Variants in RSPO2 observed in about 807,000 individuals in gnomAD.
RSPO2 encodes the protein R-spondin 2.
Under a neutral mutation model 30.9 loss-of-function variants are expected in RSPO2, and 14 were observed. The ratio of observed to expected loss-of-function variants is 0.45; its 90% CI spans 0.30 to 0.71. RSPO2 has a LOEUF of 0.71. RSPO2 is among the 30% of genes least tolerant of loss of function. The probability of loss-of-function intolerance (pLI) is 0.08; values close to 1 mark genes in which losing one functional copy is unlikely to be tolerated. For missense variants in RSPO2, 264 were observed against 301.9 expected (o/e 0.87, Z 0.93); for synonymous variants, 107 against 96.4 (o/e 1.11, Z -0.64).
intron 5 of RSPO2, among the ~76,000 whole-genome samples, chr8:107,932,568 G>C (rs1006778465): frequency 1.3e-5 from 2 of 152,130 alleles, no homozygotes; most frequent in African/African-American, 4.8e-5. Context: ...GGTCATAACA[G>C]GTAAATAAGA....
chr8:107,950,206 G>A (rs1244382806), intron 5 of RSPO2, among the ~76,000 whole-genome samples: 2 of 152,108 alleles, frequency 1.3e-5, no homozygotes, highest in Non-Finnish European at 2.9e-5. Context: ...GTGTGTACAT[G>A]TACCATACAT....
chr8:108,083,267 C>G lies in RSPO2; in HGVS notation c.-240G>C, dbSNP rs1813273320. The G allele has an allele frequency of 6.6e-6, 1 of 152,366 alleles. No individual in the cohort carries two copies. Among genetic ancestry groups the G allele is most frequent in the Non-Finnish European group, 1.5e-5 (1 of 68,052 alleles). 9.4% of individuals were successfully genotyped at this position (152,366 alleles called of 1,614,324 possible). ...CATCCCGGGCTCGGGAAGCGAGCCG[C>G]TTGGTTAGCACGTGGGCTGGGGAAA... On this transcript the variant is annotated 5_prime_UTR_variant, in exon 1 of 6. Coordinates refer to ENST00000276659, the MANE Select transcript of RSPO2 (RefSeq NM_178565.5).
intron 3 of RSPO2, among the ~76,000 whole-genome samples, chr8:107,970,515 G>A (rs1217876829): frequency 6.6e-6 from 1 of 152,146 alleles, no homozygotes; most frequent in Non-Finnish European, 1.5e-5. Flanking sequence ...TTGAAGCTTG[G>A]GGAGGCATAG....
chr8:108,056,001 C>T (rs1363058770), intron 2 of RSPO2, among the ~76,000 whole-genome samples: 1 of 152,174 alleles, frequency 6.6e-6, no homozygotes, highest in Admixed American at 6.5e-5. Context: ...ACCATTCACC[C>T]TCTGGTCCCT....
chr8:107,928,348 A>G (rs1216361813), intron 5 of RSPO2, among the ~76,000 whole-genome samples: 3 of 152,250 alleles, frequency 2.0e-5, no homozygotes, highest in African/African-American at 7.2e-5. Context: ...AGCTTTTTAT[A>G]TAAACACATA....
At chr8:108,018,885 G>A (rs1810974096) in intron 2 of RSPO2, among the ~76,000 whole-genome samples, 1 of 152,134 alleles carries the variant, frequency 6.6e-6, no homozygotes, top group South Asian at 2.1e-4. Flanking sequence ...CAACGTTCAT[G>A]CCAGCCTAAG....
chr8:107,947,608 T>C (rs987263736), intron 5 of RSPO2, among the ~76,000 whole-genome samples: 4 of 152,184 alleles, frequency 2.6e-5, no homozygotes, highest in African/African-American at 9.6e-5. Flanking sequence ...TCTCTGCTAA[T>C]TCTCTCATCA....
At chr8:107,928,201 A>T (rs1812445854) in intron 5 of RSPO2, among the ~76,000 whole-genome samples, 1 of 152,160 alleles carries the variant, frequency 6.6e-6, no homozygotes. Flanking sequence ...TTACTTCAGT[A>T]GTTTCTGAGA....
intron 2 of RSPO2, among the ~76,000 whole-genome samples, chr8:108,079,900 G>A (rs532062647): frequency 1.3e-5 from 2 of 152,298 alleles, no homozygotes; most frequent in African/African-American, 2.4e-5. Flanking sequence ...GGGAAATGTT[G>A]GTATCACATA....
chr8:107,997,458 T>C (rs971954919), intron 2 of RSPO2, among the ~76,000 whole-genome samples: 1 of 152,190 alleles, frequency 6.6e-6, no homozygotes, highest in African/African-American at 2.4e-5. Context: ...AGCCTTATCA[T>C]TCCAACCAAA....
intron 2 of RSPO2, among the ~76,000 whole-genome samples, chr8:108,048,529 C>T (rs899325955): frequency 6.6e-6 from 1 of 152,038 alleles, no homozygotes; most frequent in African/African-American, 2.4e-5. Context: ...TCTCCTTTAT[C>T]ATTTTTTATT....
intron 2 of RSPO2, among the ~76,000 whole-genome samples, chr8:108,040,565 A>T (rs1200095299): frequency 6.6e-6 from 1 of 152,196 alleles, no homozygotes; most frequent in African/African-American, 2.4e-5. Flanking sequence ...AGAACATGAA[A>T]TATCACACTG....
chr8:107,941,228 A>G (rs1219226719), intron 5 of RSPO2, among the ~76,000 whole-genome samples: 2 of 152,164 alleles, frequency 1.3e-5, no homozygotes, highest in African/African-American at 4.8e-5. Flanking sequence ...GAATCCAGAA[A>G]TGAGGCTCAG....
intron 5 of RSPO2, among the ~76,000 whole-genome samples, chr8:107,919,030 C>G (rs570165778): frequency 2.3e-4 from 35 of 152,132 alleles, no homozygotes; most frequent in African/African-American, 7.5e-4. Context: ...GGTATTAAAA[C>G]TATAGATAAC....
chr8:107,962,521 G>A (rs968180289), intron 3 of RSPO2, among the ~76,000 whole-genome samples: 2 of 152,112 alleles, frequency 1.3e-5, no homozygotes, highest in Non-Finnish European at 2.9e-5. Flanking sequence ...GGTGGGGAGG[G>A]AAATGGTAAG....
At chr8:108,045,726 C>T (rs1329796652) in intron 2 of RSPO2, among the ~76,000 whole-genome samples, 2 of 152,022 alleles carry the variant, frequency 1.3e-5, no homozygotes, top group East Asian at 1.9e-4. Flanking sequence ...TAAAAGATAG[C>T]CATCTTGTCT....
chr8:108,018,433 T>G (rs1470440758), intron 2 of RSPO2, among the ~76,000 whole-genome samples: 2 of 152,168 alleles, frequency 1.3e-5, no homozygotes, highest in Non-Finnish European at 2.9e-5. Context: ...CCAACCAGCT[T>G]AACTGAGACC....
chr8:108,014,759 G>A (rs1563564181), intron 2 of RSPO2, among the ~76,000 whole-genome samples: 5 of 151,400 alleles, frequency 3.3e-5, no homozygotes, highest in South Asian at 4.2e-4. Flanking sequence ...ACGGGTTGAT[G>A]AGCGCAGCAA....
chr8:108,024,460 G>C (rs749424296), intron 2 of RSPO2, among the ~76,000 whole-genome samples: 9 of 151,572 alleles, frequency 5.9e-5, no homozygotes, highest in Non-Finnish European at 8.8e-5. Context: ...CAGTGCAAAT[G>C]AGTATCTAAT....
Sources: allele counts gnomAD v4.1 joint callset (sites outside exome capture counted in the v4.1 genomes callset), GRCh38; gene constraint gnomAD v4.1.1; transcripts MANE v1.5; gene names NCBI Gene and HGNC (gene_info 2026-07-23, HGNC 2026-07-21).